TTC28: variants seen among roughly 807,000 people sequenced by gnomAD.
TTC28 encodes tetratricopeptide repeat domain 28, also known as tetratricopeptide repeat protein 28.
In TTC28, 61 loss-of-function variants were observed where a neutral mutation model predicts 198.0. The ratio of observed to expected loss-of-function variants is 0.31; its 90% CI spans 0.25 to 0.38. TTC28 has a LOEUF of 0.38. Ranked by LOEUF, TTC28 falls within the 10% of genes least tolerant of loss-of-function variation. The pLI, the probability that TTC28 is intolerant of heterozygous loss-of-function variation, is 1.00. For missense variants in TTC28, 2,678 were observed against 3,164.0 expected (o/e 0.85, Z 3.69); for synonymous variants, 1,171 against 1,297.8 (o/e 0.90, Z 2.10).
At chr22:28,470,380 C>T (rs1031118340) in intron 2 of TTC28, among the ~76,000 whole-genome samples, 64 of 152,082 alleles carry the variant, frequency 4.2e-4, no homozygotes, top group African/African-American at 1.4e-3. Context: ...ACAATAAATT[C>T]AACATTTTGC....
chr22:28,133,319 T>C (rs1048598433), intron 6 of TTC28, among the ~76,000 whole-genome samples: 10 of 152,198 alleles, frequency 6.6e-5, no homozygotes, highest in Non-Finnish European at 1.2e-4. Flanking sequence ...ATGGGTGATT[T>C]CTGCATTTCC....
intron 12 of TTC28, among the ~76,000 whole-genome samples, chr22:28,034,760 G>A (rs767071897): frequency 2.0e-5 from 3 of 152,202 alleles, no homozygotes; most frequent in African/African-American, 4.8e-5. Context: ...GGCTGAGAGG[G>A]GAGCTGGAGA....
intron 2 of TTC28, among the ~76,000 whole-genome samples, chr22:28,534,391 A>G (rs555177479): frequency 6.6e-6 from 1 of 152,342 alleles, no homozygotes; most frequent in Non-Finnish European, 1.5e-5. Context: ...TAGAATGGCG[A>G]TCATTAAAAA....
chr22:28,577,059 T>G (rs757049627), intron 2 of TTC28, among the ~76,000 whole-genome samples: 5 of 152,104 alleles, frequency 3.3e-5, no homozygotes, highest in Non-Finnish European at 7.4e-5. Context: ...GATGCATTGT[T>G]AGATTGTTTA....
chr22:28,542,109 C>T (rs561036227), intron 2 of TTC28, among the ~76,000 whole-genome samples: 8 of 151,910 alleles, frequency 5.3e-5, no homozygotes, highest in African/African-American at 1.7e-4. Flanking sequence ...AAATAAAAAT[C>T]CCAAAGTGCT....
intron 2 of TTC28, among the ~76,000 whole-genome samples, chr22:28,465,531 G>C (rs182442015): frequency 2.2e-4 from 33 of 152,108 alleles, no homozygotes; most frequent in African/African-American, 7.7e-4. Context: ...GGCTGAAGCA[G>C]GAGAATCGCT....
rs567144535 is a variant in TTC28, at chr22:28,619,999, A to G, written c.381+9553T>C. Reference sequence around the variant, plus strand: ...AGATCATCTGCATCAATTTACAATGAAAAAAACCATCTTATTCCTGCTCTA... The same window carrying G: ...AGATCATCTGCATCAATTTACAATGGAAAAAACCATCTTATTCCTGCTCTA... On this transcript the variant is annotated intron_variant, in intron 2 of 22. Coordinates refer to ENST00000397906, the MANE Select transcript of TTC28 (RefSeq NM_001145418.2). Among the ~76,000 whole-genome samples the G allele has an allele frequency of 3.0e-4, 45 of 152,316 alleles. 1 individual carries two copies. The South Asian group carries it at 9.1e-3, about 31-fold the overall frequency.
chr22:28,032,267 A>AGTGT lies in TTC28; in HGVS notation c.3933-1905_3933-1902dup, dbSNP rs370005298. On this transcript the variant is annotated intron_variant, in intron 12 of 22. Coordinates refer to ENST00000397906, the MANE Select transcript of TTC28 (RefSeq NM_001145418.2). ...ATATATAAAATATATATATATATAT[A>AGTGT]GTGTGTGTGTGTGTGTGTGTGTGTG... 2.8e-3 allele frequency among the ~76,000 whole-genome samples: 220 copies of AGTGT among 78,686 alleles called. 8 individuals are homozygous for AGTGT. The highest frequency in any genetic ancestry group is 0.011 in the Middle Eastern group (2 of 178). The allele number at this position is 78,686 out of a possible 152,430, so 51.6% of individuals were successfully genotyped here. A position where few individuals can be genotyped will look rare whatever the true frequency, so the allele number is the denominator to read the frequency against.
chr22:28,611,562 G>T (rs931103554), intron 2 of TTC28, among the ~76,000 whole-genome samples: 113 of 145,690 alleles, frequency 7.8e-4, no homozygotes, highest in African/African-American at 2.7e-3. Context: ...CATTGTGCAG[G>T]TTAGTTACAT....
intron 1 of TTC28, among the ~76,000 whole-genome samples, chr22:28,650,113 T>G (rs937120086): frequency 6.6e-6 from 1 of 152,096 alleles, no homozygotes; most frequent in Non-Finnish European, 1.5e-5. Flanking sequence ...ACTCATTAAT[T>G]AATGAGTGAT....
At chr22:27,988,143 G>C (rs983937888) in intron 21 of TTC28, among the ~76,000 whole-genome samples, 1 of 152,150 alleles carries the variant, frequency 6.6e-6, no homozygotes. Context: ...CCCCTGTGAG[G>C]CACTGTAGCT....
At chr22:28,420,809 C>G (rs2047241516) in intron 2 of TTC28, among the ~76,000 whole-genome samples, 1 of 152,018 alleles carries the variant, frequency 6.6e-6, no homozygotes, top group East Asian at 1.9e-4. Context: ...CCATGTTGGC[C>G]AGGCTGGTCT....
intron 5 of TTC28, among the ~76,000 whole-genome samples, chr22:28,202,637 G>T (rs1926072237): frequency 6.6e-6 from 1 of 152,036 alleles, no homozygotes; most frequent in Non-Finnish European, 1.5e-5. Flanking sequence ...AACTAGCAGG[G>T]ACCTTGGTCA....
At chr22:28,141,570 G>A (rs1943335824) in intron 6 of TTC28, among the ~76,000 whole-genome samples, 1 of 151,958 alleles carries the variant, frequency 6.6e-6, no homozygotes. Flanking sequence ...ATAGAATAAA[G>A]GTTCAAATTG....
At chr22:28,366,796 C>A (rs758298749) in intron 2 of TTC28, among the ~76,000 whole-genome samples, 9 of 151,946 alleles carry the variant, frequency 5.9e-5, no homozygotes, top group Non-Finnish European at 1.3e-4. Context: ...ACCCTTATAT[C>A]AGACAAAATA....
At chr22:28,546,451 AC>A (rs1483421862) in intron 2 of TTC28, among the ~76,000 whole-genome samples, 3 of 152,162 alleles carry the variant, frequency 2.0e-5, no homozygotes, top group Non-Finnish European at 4.4e-5. Flanking sequence ...TCTCAAAAAA[AC>A]AACAAACAAA....
chr22:28,197,683 G>A (rs1378217948), intron 5 of TTC28, among the ~76,000 whole-genome samples: 2 of 151,968 alleles, frequency 1.3e-5, no homozygotes, highest in African/African-American at 2.4e-5. Context: ...CCTGAAAAAA[G>A]TATCTTCCAT....
intron 2 of TTC28, among the ~76,000 whole-genome samples, chr22:28,574,365 G>A (rs562852903): frequency 1.3e-5 from 2 of 151,918 alleles, no homozygotes; most frequent in East Asian, 3.9e-4. Flanking sequence ...GTGTGTGTGT[G>A]TGTGTGTGTG....
chr22:28,445,262 A>T (rs1014460950), intron 2 of TTC28, among the ~76,000 whole-genome samples: 3 of 152,246 alleles, frequency 2.0e-5, no homozygotes, highest in Non-Finnish European at 4.4e-5. Flanking sequence ...AAGGTATAAG[A>T]CTAAGTCCTT....
Sources: allele counts gnomAD v4.1 joint callset (sites outside exome capture counted in the v4.1 genomes callset), GRCh38; gene constraint gnomAD v4.1.1; transcripts MANE v1.5; gene names NCBI Gene and HGNC (gene_info 2026-07-23, HGNC 2026-07-21).